CPT1B: variants seen among roughly 807,000 people sequenced by gnomAD.
The protein encoded by CPT1B is carnitine palmitoyltransferase 1B, also known as carnitine O-palmitoyltransferase 1, muscle isoform.
In CPT1B, 57 loss-of-function variants were observed where a neutral mutation model predicts 92.7. The ratio of observed to expected loss-of-function variants is 0.62; its 90% confidence interval spans 0.50 to 0.77. CPT1B has a LOEUF of 0.77. Among genes scored for constraint, CPT1B ranks in the 30% least tolerant of loss-of-function variants. The pLI is 0.00. For missense variants in CPT1B, 983 were observed against 1,017.4 expected (o/e 0.97, Z 0.46); for synonymous variants, 398 against 383.5 (o/e 1.04, Z -0.44).
intron 7 of CPT1B, chr22:50,574,852 G>C (rs2070359835): frequency 2.1e-6 from 1 of 467,764 alleles, no homozygotes; most frequent in Non-Finnish European, 3.9e-6. Flanking sequence ...GCCCAGGCTG[G>C]AGTGCAGCGG....
intron 13 of CPT1B, 103 bp downstream of exon 13, chr22:50,571,898 GGGCCA>G: frequency 9.4e-7 from 1 of 1,067,604 alleles, no homozygotes; most frequent in Non-Finnish European, 1.4e-6. Context: ...CCCGAGGGCT[GGGCCA>G]GGCAGTGAGG....
rs551868568 is a variant in CPT1B at position 50,571,964 on chromosome 22, T to C, written c.1575+42A>G. Reference sequence around the variant, plus strand: ...CCTCGTCGGGGCTGTACCCACCTGCTGCTTTGTGGTCTCACACCTGCTCTG... The same window carrying C: ...CCTCGTCGGGGCTGTACCCACCTGCCGCTTTGTGGTCTCACACCTGCTCTG... On this transcript the variant is annotated intron_variant, in intron 13 of 19. Transcript: ENST00000312108. 6.5e-5 allele frequency: 102 copies of C among 1,574,168 alleles called. No individual in the cohort carries two copies. In the Admixed American group the frequency reaches 1.7e-3, roughly 26 times the overall value.
chr22:50,573,841 G>GC lies in CPT1B; in HGVS notation c.971-127dup. 1 of 854,836 alleles carries GC rather than the reference G, an allele frequency of 1.2e-6. No individual in the cohort carries two copies. Among genetic ancestry groups the GC allele is most frequent in the Non-Finnish European group, 2.0e-6 (1 of 511,798 alleles). The allele number at this position is 854,836 out of a possible 1,614,324, so 53.0% of individuals were successfully genotyped here. A position where few individuals can be genotyped will look rare whatever the true frequency, so the allele number is the denominator to read the frequency against. Reference sequence around the variant, plus strand: ...GCTCGGCCTCTGCCTGGGCCTTCCTGCCCCCTGGATGGGATCCGTGTGTCC... The same window carrying GC: ...GCTCGGCCTCTGCCTGGGCCTTCCTGCCCCCCTGGATGGGATCCGTGTGTCC... On this transcript the variant is annotated intron_variant, in intron 9 of 19. Transcript: ENST00000312108. The surrounding 1 kb of genome is among the most constrained non-coding windows in gnomAD (Gnocchi z 5.0).
intron 2 of CPT1B, 51 bp from the exon 3 acceptor site, chr22:50,577,514 C>T: frequency 4.4e-6 from 7 of 1,604,276 alleles, no homozygotes; most frequent in Non-Finnish European, 5.1e-6. Context: ...GGAGGTTAGC[C>T]TGCCTGTGAA....
Position 50,571,359 on chromosome 22 carries a change from G to A in CPT1B, c.1740+16C>T, listed in dbSNP as rs1397866752. The stretch of plus-strand genomic sequence containing the variant: ...TACCACCCTGCCCTCTCAGCAGCGG[G>A]AGGCGGGGCTCCTACCCGGAAGTGA... On this transcript the variant is annotated intron_variant, in intron 14 of 19. Coordinates refer to ENST00000312108, the MANE Select transcript of CPT1B (RefSeq NM_152246.3). The A allele has an allele frequency of 1.9e-6, 3 of 1,613,684 alleles. No individual in the cohort carries two copies. The highest frequency in any genetic ancestry group is 1.7e-5 in the Admixed American group (1 of 60,010).
At position 50,574,477 on chromosome 22, in the gene CPT1B, C is replaced by T; in HGVS notation, c.885+16G>A. ...GTCTCCCCTCCCATCCCACCTTCAA[C>T]CCTGACGCAACTCACAGGCTTGATT... On this transcript the variant is annotated intron_variant, in intron 8 of 19. Transcript: ENST00000312108. The T allele has an allele frequency of 1.9e-6, 3 of 1,613,966 alleles. No individual in the cohort carries two copies. The highest frequency in any genetic ancestry group is 1.7e-6 in the Non-Finnish European group (2 of 1,179,818).
intron 3 of CPT1B, 145 bp from the exon 4 acceptor site, chr22:50,577,179 A>G (rs1449937299): frequency 1.5e-6 from 2 of 1,378,000 alleles, no homozygotes; most frequent in Non-Finnish European, 1.0e-6. Flanking sequence ...ATGTAGGGCT[A>G]AGACAATGGT....
chr22:50,576,228 C>G lies in CPT1B; in HGVS notation c.669G>C (p.Leu223=). ...DKTAPRLQKY[L]VLKSWWASNY... ...TACTTGCCCACCATGACTTGAGCAC[C>G]AGGTATTTCTGCAGCCTGGGGGCAG... Residue 223 remains leucine, a synonymous_variant, in exon 6 of 20, where the codon CTG becomes CTC. Transcript: ENST00000312108. 1 of 1,614,106 alleles carries G rather than the reference C, an allele frequency of 6.2e-7. No individual in the cohort carries two copies.
Position 50,573,724 on chromosome 22 carries a change from C to G in CPT1B, c.971-9G>C. The G allele has an allele frequency of 4.3e-6, 7 of 1,609,870 alleles. No homozygotes were observed. In the South Asian group the frequency reaches 7.7e-5, roughly 18 times the overall value. On this transcript the variant is annotated splice_polypyrimidine_tract_variant and intron_variant, in intron 9 of 19. Coordinates refer to ENST00000312108, the MANE Select transcript of CPT1B (RefSeq NM_152246.3). The surrounding 1 kb of genome is among the most constrained non-coding windows in gnomAD (Gnocchi z 5.0). ...GAGGTGCTGTAGCACATCTGTGATA[C>G]AGGCCACGGGCAAGCTGAGGCGGGG... is the stretch of plus-strand genomic sequence containing the variant.
chr22:50,571,007 T>C lies in CPT1B; in HGVS notation c.1912A>G (p.Lys638Glu). 1 of 1,614,064 alleles carries C rather than the reference T, an allele frequency of 6.2e-7. No homozygotes were observed. ...DLRDLFQKAA[K>E]KHQNMYRLAM... ...AGGCGGTACATATTCTGGTGCTTCT[T>C]AGCAGCCTTCTGGAAGAGATCTCGC... The change falls in exon 16 of 20, where the codon AAG becomes GAG. Residue 638 changes from lysine (K) to glutamate (E), a missense_variant. Coordinates refer to ENST00000312108, the MANE Select transcript of CPT1B (RefSeq NM_152246.3).
Position 50,571,303 on chromosome 22 carries a change from C to T in CPT1B, c.1741-11G>A, listed in dbSNP as rs565419954. ...GAACTTACCCCTGTCCTGGGATATA[C>T]AGAGGGGTGAATCTGGCAGGTGGAC... On this transcript the variant is annotated splice_polypyrimidine_tract_variant and intron_variant, in intron 14 of 19. Transcript: ENST00000312108. 26 of 1,613,752 alleles carry T rather than the reference C, an allele frequency of 1.6e-5. No homozygotes were observed. In the South Asian group the frequency reaches 2.9e-4, roughly 18 times the overall value.
rs755781796 is a variant in CPT1B at position 50,573,566 on chromosome 22, G to T, written c.1120C>A (p.Pro374Thr). 1.2e-6 allele frequency: 2 copies of T among 1,613,572 alleles called. No individual in the cohort carries two copies. The highest frequency in any genetic ancestry group is 2.2e-5 in the South Asian group (2 of 91,076). ...GCCAGCTTCTCCTCCCCAGGCTGAG[G>T]TGGGGAGGGGTCGTCCAGGATCCTC... The part of the protein sequence containing the change: ...FQRILDDPSP[P>T]QPGEEKLAAL... Residue 374 changes from proline (P) to threonine (T), a missense_variant, in exon 10 of 20, where the codon CCT becomes ACT. Coordinates refer to ENST00000312108, the MANE Select transcript of CPT1B (RefSeq NM_152246.3). The surrounding 1 kb of genome is among the most constrained non-coding windows in gnomAD (Gnocchi z 5.0).
rs148018730 is a variant in CPT1B, at chr22:50,571,441, G to A, written c.1674C>T (p.Leu558=). 4.3e-6 allele frequency: 7 copies of A among 1,613,780 alleles called. No individual in the cohort carries two copies. Among genetic ancestry groups the A allele is most frequent in the Middle Eastern group, 1.6e-4 (1 of 6,084 alleles). Residue 558 remains leucine (L), a synonymous_variant, in exon 14 of 20, where the codon CTC becomes CTT. Coordinates refer to ENST00000312108, the MANE Select transcript of CPT1B (RefSeq NM_152246.3). ...CAGGGCTGGTCCGGCACTTCTTGAT[G>A]AGGCCTTTGCCAAAGGGCAGGAACT... ...CFQFLPFGKG[L]IKKCRTSPDA... is the part of the protein sequence containing the mutation.
In CPT1B at chr22:50,573,423, C is replaced by T; in HGVS notation, c.1166+97G>A. The T allele has an allele frequency of 1.8e-6, 2 of 1,140,642 alleles. No homozygotes were observed. The highest frequency in any genetic ancestry group is 2.5e-6 in the Non-Finnish European group (2 of 806,210). 70.7% of individuals were successfully genotyped at this position (1,140,642 alleles called of 1,614,324 possible). A position where few individuals can be genotyped will look rare whatever the true frequency, so the allele number is the denominator to read the frequency against. ...CAATGCCCCTCCCCTAGTTGTGCCT[C>T]CAGCCTCCAGTTCCAGGGTGGCAGG... On this transcript the variant is annotated intron_variant, in intron 10 of 19. Transcript: ENST00000312108. This position sits in a 1 kb window ranked among gnomAD's most constrained non-coding sequence, Gnocchi z 5.0.
chr22:50,577,960 G>C (rs376200096), intron 1 of CPT1B, 26 bp from the exon 2 acceptor site: 3 of 1,569,884 alleles, frequency 1.9e-6, no homozygotes, highest in Non-Finnish European at 2.6e-6. Flanking sequence ...ATGGGTGCGC[G>C]GGCGCGCTTA....
chr22:50,576,854 C>T lies in CPT1B; in HGVS notation c.459+3G>A. On this transcript the variant is annotated splice_donor_region_variant and intron_variant, in intron 4 of 19. Coordinates refer to ENST00000312108, the MANE Select transcript of CPT1B (RefSeq NM_152246.3). ...CTGAACCCCTCCACTGGCTGCTGCT[C>T]ACAGCCCAGATCCTGGTCAAGTTGC... 6.2e-7 allele frequency: 1 copy of T among 1,613,822 alleles called. No homozygotes were observed. Among genetic ancestry groups the T allele is most frequent in the Non-Finnish European group, 8.5e-7 (1 of 1,179,970 alleles).
In CPT1B at chr22:50,574,393, C is replaced by G. The variant is rs1178257020; in HGVS notation, c.912G>C (p.Met304Ile). ...KPVMALGIVPMCSYQMERMFN... is the reference protein window; with the variant it reads ...KPVMALGIVPICSYQMERMFN... Reference sequence around the variant, plus strand: ...ACATCCTCTCCATCTGGTAGGAGCACATAGGCACTATGCCCAGTGCCATCA... The same window carrying G: ...ACATCCTCTCCATCTGGTAGGAGCAGATAGGCACTATGCCCAGTGCCATCA... The change falls in exon 9 of 20, where the codon ATG becomes ATC. Residue 304 changes from methionine (M) to isoleucine (I), a missense_variant. Physicochemically the swap from Met to Ile is conservative, Grantham distance 10. Coordinates refer to ENST00000312108, the MANE Select transcript of CPT1B (RefSeq NM_152246.3). 6.2e-7 allele frequency: 1 copy of G among 1,614,100 alleles called. No homozygotes were observed. Among genetic ancestry groups the G allele is most frequent in the African/African-American group, 1.3e-5 (1 of 75,040 alleles).
At chr22:50,577,714 A>G (rs1003607539) in intron 2 of CPT1B, 61 bp downstream of exon 2, 3 of 1,593,782 alleles carry the variant, frequency 1.9e-6, no homozygotes, top group Admixed American at 3.4e-5. Flanking sequence ...GACCCTAACA[A>G]AGCGCTTAAC....
chr22:50,569,138 T>A, intron 19 of CPT1B, 57 bp from the exon 20 acceptor site: 2 of 508,998 alleles, frequency 3.9e-6, no homozygotes, highest in South Asian at 2.8e-5. Flanking sequence ...AAAAAAAAAA[T>A]CAAAATTCCC....
Sources: gnomAD v4.1 joint callset for allele counts on GRCh38, gnomAD v4.1.1 for gene constraint, Gnocchi (gnomAD v3.1) non-coding constraint, MANE v1.5 for transcripts, NCBI Gene and HGNC (gene_info 2026-07-23, HGNC 2026-07-21) for gene names.